The following NRCAM variants were observed in gnomAD, a reference collection of about 807,000 sequenced individuals.
NRCAM encodes the protein neuronal cell adhesion molecule.
Under a neutral mutation model 156.5 loss-of-function variants are expected in NRCAM, and 83 were observed. That is an observed-to-expected ratio of 0.53 (90% CI 0.44 to 0.64). NRCAM has a LOEUF of 0.64. Ranked by LOEUF, NRCAM falls within the 30% of genes least tolerant of loss-of-function variation. The pLI, the probability that NRCAM is intolerant of heterozygous loss-of-function variation, is 0.00. For synonymous variants in NRCAM, 538 were observed against 563.9 expected, an observed-to-expected ratio of 0.95 and a Z score of 0.65; for missense variants, 1,417 against 1,597.3, an observed-to-expected ratio of 0.89 and a Z score of 1.92.
chr7:108,164,951 G>C (rs544770971), intron 30 of NRCAM, among the ~76,000 whole-genome samples: 1 of 152,282 alleles, frequency 6.6e-6, no homozygotes, highest in East Asian at 1.9e-4. Context: ...ATTTTCTAAA[G>C]GAGTTGTCTT....
chr7:108,428,542 T>C (rs2300050), intron 1 of NRCAM, among the ~76,000 whole-genome samples: 50,193 of 151,946 alleles, frequency 0.33, 8,903 homozygotes, highest in East Asian at 0.5. Context: ...AACCAAACAA[T>C]GCTGAGATCC....
chr7:108,196,966 G>A (rs1302363117), intron 14 of NRCAM, among the ~76,000 whole-genome samples: 1 of 152,058 alleles, frequency 6.6e-6, no homozygotes, highest in Non-Finnish European at 1.5e-5. Context: ...TGAATGAATG[G>A]AATAAAGAAA....
rs188238878 is a variant in NRCAM, at chr7:108,262,767, G to C, written c.-106-22597C>G. On this transcript the variant is annotated intron_variant, in intron 3 of 32. Transcript: ENST00000379028. Reference sequence around the variant, plus strand: ...AAACAAGGTGCTGAGCTGCTTTCCTGGCTCATTTTGACTCTCAGTGTAAAA... The same window carrying C: ...AAACAAGGTGCTGAGCTGCTTTCCTCGCTCATTTTGACTCTCAGTGTAAAA... Among the ~76,000 whole-genome samples the C allele has an allele frequency of 1.0e-3, 155 of 152,284 alleles. 1 individual carries two copies. The highest frequency in any genetic ancestry group is 3.6e-3 in the African/African-American group (148 of 41,562).
chr7:108,295,981 G>A (rs1036902330), intron 3 of NRCAM, among the ~76,000 whole-genome samples: 1 of 152,198 alleles, frequency 6.6e-6, no homozygotes, highest in Admixed American at 6.5e-5. Context: ...GCTTCACTGC[G>A]CTTGCTGAAG....
At chr7:108,281,173 G>A (rs892402872) in intron 3 of NRCAM, among the ~76,000 whole-genome samples, 4 of 152,038 alleles carry the variant, frequency 2.6e-5, no homozygotes, top group Non-Finnish European at 4.4e-5. Flanking sequence ...TTAACCTGAT[G>A]AAATGAGCAA....
intron 3 of NRCAM, among the ~76,000 whole-genome samples, chr7:108,278,603 C>T (rs1256280307): frequency 6.6e-6 from 1 of 152,220 alleles, no homozygotes; most frequent in Non-Finnish European, 1.5e-5. Flanking sequence ...GTTGTGAAGA[C>T]CATAGGAAAA....
chr7:108,160,622 ATC>A (rs1248639449), intron 30 of NRCAM, 130 bp from the exon 31 acceptor site: 1 of 626,452 alleles, frequency 1.6e-6, no homozygotes, highest in Non-Finnish European at 2.6e-6. Flanking sequence ...CCAAATTAGG[ATC>A]TGTCAATTAT....
intron 1 of NRCAM, among the ~76,000 whole-genome samples, chr7:108,400,274 A>C (rs1248809454): frequency 6.6e-6 from 1 of 152,258 alleles, no homozygotes. Flanking sequence ...TTTATGAGAG[A>C]GGGTAAAACC....
At chr7:108,160,296 T>G in intron 31 of NRCAM, 65 bp downstream of exon 31, 2 of 1,457,510 alleles carry the variant, frequency 1.4e-6, no homozygotes, top group Non-Finnish European at 1.9e-6. Context: ...ATTTCCCCCA[T>G]GATCTTTTTA....
intron 30 of NRCAM, among the ~76,000 whole-genome samples, chr7:108,161,818 A>T (rs2049204151): frequency 6.6e-6 from 1 of 152,264 alleles, no homozygotes; most frequent in Non-Finnish European, 1.5e-5. Flanking sequence ...AAATAAAATG[A>T]GAAGCAAAAA....
intron 30 of NRCAM, among the ~76,000 whole-genome samples, chr7:108,164,542 G>A (rs371555842): frequency 6.0e-4 from 18 of 29,886 alleles, no homozygotes; most frequent in African/African-American, 1.4e-3. Flanking sequence ...CTTACACCGC[G>A]GAACCGAGAG....
chr7:108,158,678 A>C (rs2151293537), intron 32 of NRCAM, among the ~76,000 whole-genome samples: 1 of 152,268 alleles, frequency 6.6e-6, no homozygotes, highest in Non-Finnish European at 1.5e-5. Flanking sequence ...AAAAAGAAAA[A>C]AACAAGGTAC....
chr7:108,323,752 T>C (rs2099030676), intron 2 of NRCAM, among the ~76,000 whole-genome samples: 1 of 152,030 alleles, frequency 6.6e-6, no homozygotes, highest in African/African-American at 2.4e-5. Flanking sequence ...TATTGTGTTT[T>C]AGGTTGCAAA....
intron 2 of NRCAM, among the ~76,000 whole-genome samples, chr7:108,371,193 G>A (rs1286999380): frequency 6.6e-6 from 1 of 152,132 alleles, no homozygotes; most frequent in Non-Finnish European, 1.5e-5. Context: ...ATTTTACCTA[G>A]CAGATATTAA....
intron 2 of NRCAM, among the ~76,000 whole-genome samples, chr7:108,376,282 A>C (rs1563508162): frequency 6.6e-6 from 1 of 152,060 alleles, no homozygotes; most frequent in Non-Finnish European, 1.5e-5. Flanking sequence ...CCATTTCATC[A>C]CTGTCATCCT....
intron 1 of NRCAM, among the ~76,000 whole-genome samples, chr7:108,437,249 G>A (rs1427034466): frequency 1.3e-4 from 20 of 152,146 alleles, no homozygotes; most frequent in Admixed American, 1.3e-3. Flanking sequence ...TAGAAAGTAG[G>A]AGGATGGTTA....
At chr7:108,186,456 C>T (rs2066860359) in intron 20 of NRCAM, among the ~76,000 whole-genome samples, 1 of 152,164 alleles carries the variant, frequency 6.6e-6, no homozygotes, top group Admixed American at 6.5e-5. Context: ...CTACTTCTTC[C>T]ACACTCTCTG....
intron 2 of NRCAM, among the ~76,000 whole-genome samples, chr7:108,314,934 T>C (rs1246159906): frequency 6.6e-6 from 1 of 152,148 alleles, no homozygotes; most frequent in Non-Finnish European, 1.5e-5. Context: ...GAGGCTGATT[T>C]CTAAAAACTG....
At chr7:108,387,827 T>C (rs1398530445) in intron 2 of NRCAM, among the ~76,000 whole-genome samples, 1 of 151,956 alleles carries the variant, frequency 6.6e-6, no homozygotes, top group Non-Finnish European at 1.5e-5. Flanking sequence ...TCTGTCCTTG[T>C]GATAGTTTGC....
Sources: allele counts gnomAD v4.1 joint callset (sites outside exome capture counted in the v4.1 genomes callset), GRCh38; gene constraint gnomAD v4.1.1; transcripts MANE v1.5; gene names NCBI Gene and HGNC (gene_info 2026-07-23, HGNC 2026-07-21).